Variants in TREML4 observed in about 807,000 individuals in gnomAD.
TREML4 encodes the protein triggering receptor expressed on myeloid cells like 4.
A neutral mutation model predicts 25.4 loss-of-function variants in TREML4; 25 were observed. That is an observed-to-expected ratio of 0.98 (90% CI 0.72 to 1.37). TREML4 has a LOEUF of 1.37. Among genes scored for constraint, TREML4 ranks in the 40% most tolerant of loss-of-function variants. TREML4 has a pLI of 0.00. For missense variants in TREML4, 268 were observed against 236.5 expected, an observed-to-expected ratio of 1.13 and a Z score of -0.87; for synonymous variants, 92 against 87.9, an observed-to-expected ratio of 1.05 and a Z score of -0.26.
rs544859863 is a variant in TREML4, at chr6:41,238,486, G to T, written c.*1467G>T. 6.6e-6 allele frequency: 1 copy of T among 152,068 alleles called. No homozygotes were observed. The highest frequency in any genetic ancestry group is 1.5e-5 in the Non-Finnish European group (1 of 68,038). The allele number at this position is 152,068 out of a possible 1,614,324, so 9.4% of individuals were successfully genotyped here. A position where few individuals can be genotyped will look rare whatever the true frequency, so the allele number is the denominator to read the frequency against. ...TACATATCCCACAGTGCATCATTCCGAACCCAGGGTGCATGTGCTTTTTTG... is the reference window on the plus strand; with the variant it reads ...TACATATCCCACAGTGCATCATTCCTAACCCAGGGTGCATGTGCTTTTTTG... On this transcript the variant is annotated 3_prime_UTR_variant, in exon 6 of 6. Coordinates refer to ENST00000341495, the MANE Select transcript of TREML4 (RefSeq NM_198153.3).
chr6:41,228,651 G>T, intron 1 of TREML4, 63 bp from the exon 2 acceptor site: 3 of 1,538,616 alleles, frequency 1.9e-6, no homozygotes, highest in South Asian at 2.5e-5. Flanking sequence ...AGCCTGTGAT[G>T]GGGGAGGTTG....
Position 41,230,104 on chromosome 6 carries a change from T to A in TREML4, c.488T>A (p.Ile163Asn). ...GAGGGGACCTCTGGCCATCCCTCCA[T>A]CAATGGCTCTGAGACCAGGTAGGTC... is the stretch of plus-strand genomic sequence containing the variant. ...SPEGTSGHPS[I>N]NGSETRKSRA... Residue 163 changes from isoleucine to asparagine, a missense_variant, in exon 4 of 6, where the codon ATC becomes AAC. Ile to Asn is a moderately radical substitution (Grantham distance 149, BLOSUM62 -3). Transcript: ENST00000341495. 6.2e-7 allele frequency: 1 copy of A among 1,611,720 alleles called. No individual in the cohort carries two copies. Among genetic ancestry groups the A allele is most frequent in the Non-Finnish European group, 8.5e-7 (1 of 1,177,838 alleles).
intron 4 of TREML4, among the ~76,000 whole-genome samples, chr6:41,231,950 A>AAC (rs560266259): frequency 1.3e-5 from 2 of 152,200 alleles, no homozygotes; most frequent in African/African-American, 4.8e-5. Context: ...GAAAACAGCC[A>AAC]ACACACACAC....
rs2113935546 is a variant in TREML4 at position 41,228,504 on chromosome 6, A to C, written c.63+14A>C. 6.2e-7 allele frequency: 1 copy of C among 1,611,062 alleles called. No individual in the cohort carries two copies. The highest frequency in any genetic ancestry group is 1.7e-4 in the Middle Eastern group (1 of 6,044). On this transcript the variant is annotated intron_variant, in intron 1 of 5. Coordinates refer to ENST00000341495, the MANE Select transcript of TREML4 (RefSeq NM_198153.3). ...TCCTGGCCTCAGGTGACATGGAGGG[A>C]AAGAGTGCAGGGGGTGTAAGGAGTG... is the stretch of plus-strand genomic sequence containing the variant.
chr6:41,231,252 G>A, intron 4 of TREML4: 1 of 193,266 alleles, frequency 5.2e-6, no homozygotes, highest in Non-Finnish European at 1.2e-5. Context: ...CAGGTCCATG[G>A]AAAATTTGTC....
rs781400813 is a variant in TREML4 at position 41,236,600 on chromosome 6, G to A, written c.*18G>A. On this transcript the variant is annotated 3_prime_UTR_variant, in exon 5 of 6. Transcript: ENST00000341495. ...TGTTGTGAGTCCTGTTAGTGCTCCTGATCTGCAGGTGCCACAGGTGAGGGG... is the reference window on the plus strand; with the variant it reads ...TGTTGTGAGTCCTGTTAGTGCTCCTAATCTGCAGGTGCCACAGGTGAGGGG... 1 of 1,597,952 alleles carries A rather than the reference G, an allele frequency of 6.3e-7. No homozygotes were observed. The highest frequency in any genetic ancestry group is 1.3e-5 in the African/African-American group (1 of 74,646).
rs765632960 is a variant in TREML4, at chr6:41,228,754, CCCT to C, written c.111_113del (p.Leu38del). 3.7e-6 allele frequency: 6 copies of C among 1,613,902 alleles called. No individual in the cohort carries two copies. The Admixed American group carries it at 6.7e-5, about 18-fold the overall frequency. On this transcript the variant is annotated inframe_deletion, in exon 2 of 6. Transcript: ENST00000341495. ...GAACTTCACAAACACCCAGGACAGA[CCCT>C]CCTCCTGCAATGCCAGTACTCACCC...
chr6:41,229,955 G>A, intron 3 of TREML4, 107 bp from the exon 4 acceptor site: 1 of 942,562 alleles, frequency 1.1e-6, no homozygotes, highest in South Asian at 1.3e-5. Flanking sequence ...GGGACCCTTA[G>A]GGGCTGCCTC....
chr6:41,229,990 A>T, intron 3 of TREML4, 72 bp from the exon 4 acceptor site: 1 of 1,333,490 alleles, frequency 7.5e-7, no homozygotes, highest in Non-Finnish European at 1.1e-6. Flanking sequence ...TTCCTCTCAC[A>T]CTTTTGGGAC....
At chr6:41,229,100 A>G in intron 2 of TREML4, 56 bp downstream of exon 2, 4 of 1,453,200 alleles carry the variant, frequency 2.8e-6, no homozygotes, top group Non-Finnish European at 3.8e-6. Context: ...ACCTGAAGGA[A>G]ATGTCATGCA....
intron 4 of TREML4, among the ~76,000 whole-genome samples, chr6:41,234,332 T>C (rs1766859615): frequency 6.6e-6 from 1 of 152,044 alleles, no homozygotes; most frequent in Admixed American, 6.5e-5. Context: ...CCTTTGAATA[T>C]ATTTGTTGGA....
chr6:41,235,941 C>T (rs1195143025), intron 4 of TREML4, among the ~76,000 whole-genome samples: 1 of 152,102 alleles, frequency 6.6e-6, no homozygotes, highest in African/African-American at 2.4e-5. Context: ...AGCAGATTTG[C>T]TGGGACAGGG....
intron 4 of TREML4, among the ~76,000 whole-genome samples, chr6:41,234,012 C>A (rs1766851708): frequency 6.6e-6 from 1 of 150,524 alleles, no homozygotes; most frequent in Non-Finnish European, 1.5e-5. Flanking sequence ...TGTTTATAAC[C>A]CTCTACATAA....
chr6:41,236,992 G>A (rs1337977959), intron 5 of TREML4, 63 bp from the exon 6 acceptor site: 1 of 168,354 alleles, frequency 5.9e-6, no homozygotes. Context: ...GGGACAGGGT[G>A]AGACAAAGGA....
Position 41,228,956 on chromosome 6 carries a change from T to A in TREML4, c.306T>A (p.Asn102Lys). 1 of 1,613,838 alleles carries A rather than the reference T, an allele frequency of 6.2e-7. No homozygotes were observed. Among genetic ancestry groups the A allele is most frequent in the South Asian group, 1.1e-5 (1 of 91,072 alleles). Residue 102 changes from asparagine to lysine, a missense_variant, in exon 2 of 6, where the codon AAT becomes AAA. Asn to Lys is a moderately conservative substitution (Grantham distance 94, BLOSUM62 0). Transcript: ENST00000341495. The part of the protein sequence containing the change: ...FNITMIQLTQ[N>K]DSGFYWCGIY... Reference sequence around the variant, plus strand: ...TCACCATGATTCAGCTGACACAGAATGACTCGGGATTCTACTGGTGTGGAA... The same window carrying A: ...TCACCATGATTCAGCTGACACAGAAAGACTCGGGATTCTACTGGTGTGGAA...
chr6:41,232,822 G>A (rs1340125531), intron 4 of TREML4, among the ~76,000 whole-genome samples: 2 of 152,192 alleles, frequency 1.3e-5, no homozygotes, highest in Admixed American at 6.5e-5. Flanking sequence ...AGGAAGCGAA[G>A]CTCAGGCAGT....
At position 41,237,848 on chromosome 6, in the gene TREML4, T is replaced by C. The variant is rs1982755; in HGVS notation, c.*829T>C. ...TCTGTTTACTTAACATGTGAGAAGA[T>C]TCACAGCCTAAAAGAGAAAATCAAG... On this transcript the variant is annotated 3_prime_UTR_variant, in exon 6 of 6. Coordinates refer to ENST00000341495, the MANE Select transcript of TREML4 (RefSeq NM_198153.3). The C allele has an allele frequency of 0.37, 55,944 of 152,108 alleles. 11,759 individuals are homozygous for C. The highest frequency in any genetic ancestry group is 0.47 in the Admixed American group (7,187 of 15,286). 9.4% of individuals were successfully genotyped at this position (152,108 alleles called of 1,614,324 possible).
intron 4 of TREML4, among the ~76,000 whole-genome samples, chr6:41,233,848 T>G (rs1766847083): frequency 6.6e-6 from 1 of 151,130 alleles, no homozygotes; most frequent in Non-Finnish European, 1.5e-5. Flanking sequence ...ATATAATATT[T>G]TCAAATATAT....
chr6:41,232,027 C>T (rs555510935), intron 4 of TREML4, among the ~76,000 whole-genome samples: 3 of 152,304 alleles, frequency 2.0e-5, no homozygotes, highest in South Asian at 4.1e-4. Flanking sequence ...TGTCTGCACG[C>T]TTTCAGATCA....
Sources: allele counts gnomAD v4.1 joint callset (sites outside exome capture counted in the v4.1 genomes callset), GRCh38; gene constraint gnomAD v4.1.1; transcripts MANE v1.5; gene names NCBI Gene and HGNC (gene_info 2026-07-23, HGNC 2026-07-21).